The following UBE3D variants were observed in gnomAD, a reference collection of about 807,000 sequenced individuals.
UBE3D encodes the protein ubiquitin protein ligase E3D, also known as E3 ubiquitin-protein ligase E3D.
UBE3D carries 48 observed loss-of-function variants against 49.6 expected under a neutral mutation model. The ratio of observed to expected loss-of-function variants is 0.97; its 90% confidence interval spans 0.77 to 1.23. The LOEUF (loss-of-function observed/expected upper bound fraction) is 1.23, where lower values mean the gene tolerates loss of function less well. UBE3D is among the 50% of genes most tolerant of loss of function. UBE3D has a pLI of 0.00. For missense variants in UBE3D, 452 were observed against 468.4 expected (o/e 0.96, Z 0.32); for synonymous variants, 189 against 174.2 (o/e 1.08, Z -0.67).
At chr6:82,963,283 C>G (rs185365657) in intron 8 of UBE3D, among the ~76,000 whole-genome samples, 2 of 147,916 alleles carry the variant, frequency 1.4e-5, no homozygotes, top group Admixed American at 1.4e-4. Context: ...TACAGTATAT[C>G]CTAAAACAAT....
the UBE3D span, among the ~76,000 whole-genome samples, chr6:82,884,601 C>G: frequency 6.6e-6 from 1 of 152,156 alleles, no homozygotes; most frequent in African/African-American, 2.4e-5. Context: ...GATCCTAATT[C>G]ATTTCAACAA....
chr6:82,996,038 C>T (rs938197839), intron 8 of UBE3D, among the ~76,000 whole-genome samples: 3 of 152,070 alleles, frequency 2.0e-5, no homozygotes, highest in African/African-American at 4.8e-5. Context: ...GCACTCCAGC[C>T]TGGGAGACAG....
intron 9 of UBE3D, among the ~76,000 whole-genome samples, chr6:82,953,065 T>C (rs1273045198): frequency 6.6e-6 from 1 of 152,250 alleles, no homozygotes; most frequent in Non-Finnish European, 1.5e-5. Context: ...AGCTGGTTGC[T>C]GCCCAGCAAG....
At chr6:82,979,731 A>C (rs976993097) in intron 8 of UBE3D, among the ~76,000 whole-genome samples, 1 of 152,084 alleles carries the variant, frequency 6.6e-6, no homozygotes, top group African/African-American at 2.4e-5. Flanking sequence ...CAAATCAAGT[A>C]ATTTCTCATT....
At chr6:82,897,133 T>C (rs941952150) in intron 9 of UBE3D, among the ~76,000 whole-genome samples, 1 of 151,988 alleles carries the variant, frequency 6.6e-6, no homozygotes, top group African/African-American at 2.4e-5. Flanking sequence ...CAGACACAAA[T>C]GTTCCTTTTA....
chr6:83,051,227 C>T (rs969512837), intron 3 of UBE3D, among the ~76,000 whole-genome samples: 13 of 152,200 alleles, frequency 8.5e-5, no homozygotes, highest in Admixed American at 4.6e-4. Flanking sequence ...ACAAACACAA[C>T]TTCCCAGCTA....
chr6:82,959,164 T>A (rs1776370418), intron 8 of UBE3D, among the ~76,000 whole-genome samples: 1 of 152,050 alleles, frequency 6.6e-6, no homozygotes, highest in South Asian at 2.1e-4. Context: ...ATTTTTTTTT[T>A]TTTAGAAAAA....
intron 9 of UBE3D, among the ~76,000 whole-genome samples, chr6:82,936,979 A>G (rs1157254707): frequency 6.6e-6 from 1 of 152,352 alleles, no homozygotes; most frequent in East Asian, 1.9e-4. Flanking sequence ...TGCTGGTTTC[A>G]TAACAGTCAT....
At chr6:82,989,772 C>T (rs1486365575) in intron 8 of UBE3D, among the ~76,000 whole-genome samples, 2 of 152,078 alleles carry the variant, frequency 1.3e-5, no homozygotes, top group African/African-American at 2.4e-5. Flanking sequence ...AATTCAATCC[C>T]ATCTTCAAAA....
intron 3 of UBE3D, among the ~76,000 whole-genome samples, chr6:83,048,923 G>T (rs1045868410): frequency 3.3e-5 from 5 of 151,970 alleles, no homozygotes; most frequent in African/African-American, 1.2e-4. Context: ...TAGAAACCTG[G>T]TGGAGCTCAA....
chr6:82,952,014 A>C (rs1210601246), intron 9 of UBE3D, among the ~76,000 whole-genome samples: 1 of 152,206 alleles, frequency 6.6e-6, no homozygotes, highest in African/African-American at 2.4e-5. Context: ...TCTCCCTGCT[A>C]TCAAGTACAT....
intron 9 of UBE3D, among the ~76,000 whole-genome samples, chr6:82,953,054 GAGCTGGTTGCTGCCC>G (rs1775914137): frequency 6.6e-6 from 1 of 152,198 alleles, no homozygotes; most frequent in Non-Finnish European, 1.5e-5. Flanking sequence ...TTCAGGTTAA[GAGCTGGTTGCTGCCC>G]AGCAAGATGG....
chr6:82,954,769 A>G (rs1278000659), intron 9 of UBE3D, among the ~76,000 whole-genome samples: 1 of 152,168 alleles, frequency 6.6e-6, no homozygotes, highest in Non-Finnish European at 1.5e-5. Context: ...AAAGATGAAA[A>G]AGCAGAGCAT....
At chr6:82,916,134 T>A (rs1772899277) in intron 9 of UBE3D, among the ~76,000 whole-genome samples, 1 of 152,226 alleles carries the variant, frequency 6.6e-6, no homozygotes, top group African/African-American at 2.4e-5. Context: ...TAAGTAATAT[T>A]CTTATTACAC....
chr6:83,054,113 G>C (rs766077032), intron 3 of UBE3D, 35 bp downstream of exon 3: 1 of 1,530,786 alleles, frequency 6.5e-7, no homozygotes, highest in South Asian at 1.1e-5. Flanking sequence ...CCATTGCCAG[G>C]CACAGAATTA....
Position 83,054,155 on chromosome 6 carries a change from T to G in UBE3D, c.358A>C (p.Lys120Gln). The change falls in exon 3 of 10, where the codon AAA becomes CAA. Residue 120 changes from lysine (K) to glutamine (Q), a missense_variant. By Grantham distance (53) the Lys-to-Gln change is moderately conservative. Transcript: ENST00000369747. ...YCQSCGEVII[K>Q]DRKLLRVLPL... ...GTTAAATATATTCCTTACCTGTCTT[T>G]TATTATGACTTCACCGCAGGATTGG... is the stretch of plus-strand genomic sequence containing the variant. 6.2e-7 allele frequency: 1 copy of G among 1,613,594 alleles called. No homozygotes were observed. The highest frequency in any genetic ancestry group is 1.1e-5 in the South Asian group (1 of 91,066).
In UBE3D at chr6:83,013,950, AC is replaced by A. The variant is rs1307120378; in HGVS notation, c.1010+5022del. Among the ~76,000 whole-genome samples the A allele has an allele frequency of 3.3e-5, 5 of 152,286 alleles. No individual in the cohort carries two copies. The East Asian group carries it at 9.6e-4, about 29-fold the overall frequency. On this transcript the variant is annotated intron_variant, in intron 8 of 9. Transcript: ENST00000369747. ...TGACACAAAGACGGAGAGTTGATAT[AC>A]CCCTGAGGTAGGAAAATAAAGGTAT...
downstream of UBE3D, among the ~76,000 whole-genome samples, chr6:82,887,776 T>C (rs1335944046): frequency 1.3e-5 from 2 of 152,046 alleles, no homozygotes; most frequent in Admixed American, 1.3e-4. Flanking sequence ...TATGTACTAC[T>C]ATGGAACTTA....
the UBE3D span, among the ~76,000 whole-genome samples, chr6:82,887,389 G>GTTTTTGTTTTGTTTTTTTT: frequency 8.1e-5 from 8 of 98,362 alleles, no homozygotes; most frequent in African/African-American, 3.0e-4. Flanking sequence ...GACAGTAACA[G>GTTTTTGTTTTGTTTTTTTT]TTTTTTTTTT....
Sources: allele counts gnomAD v4.1 joint callset (sites outside exome capture counted in the v4.1 genomes callset), GRCh38; gene constraint gnomAD v4.1.1; transcripts MANE v1.5; gene names NCBI Gene and HGNC (gene_info 2026-07-23, HGNC 2026-07-21).